The following ATP1B3 variants were observed in gnomAD, a reference collection of about 807,000 sequenced individuals.
ATP1B3 encodes ATPase Na+/K+ transporting subunit beta 3.
Under a neutral mutation model 30.2 loss-of-function variants are expected in ATP1B3, and 10 were observed. The observed-to-expected ratio is 0.33, with a 90% CI of 0.20 to 0.56. The LOEUF (loss-of-function observed/expected upper bound fraction) is 0.56, where lower values mean the gene tolerates loss of function less well. ATP1B3 is among the 20% of genes least tolerant of loss of function. The pLI, the probability that ATP1B3 is intolerant of heterozygous loss-of-function variation, is 0.90. For synonymous variants in ATP1B3, 113 were observed against 117.0 expected, an observed-to-expected ratio of 0.97 and a Z score of 0.22; for missense variants, 238 against 336.7, an observed-to-expected ratio of 0.71 and a Z score of 2.29.
Position 141,876,765 on chromosome 3 carries a change from C to G in ATP1B3, c.-37C>G, listed in dbSNP as rs767695591. On this transcript the variant is annotated 5_prime_UTR_variant, in exon 1 of 7. Coordinates refer to ENST00000286371, the MANE Select transcript of ATP1B3 (RefSeq NM_001679.4). ...CCGCAGCCCTCGCCGCCTCCATCCCCGCGGCCGCAGCTCCTCTCGCCGTCC... is the reference window on the plus strand; with the variant it reads ...CCGCAGCCCTCGCCGCCTCCATCCCGGCGGCCGCAGCTCCTCTCGCCGTCC... 1.7e-4 allele frequency: 267 copies of G among 1,548,264 alleles called. 1 individual carries two copies. Among genetic ancestry groups the G allele is most frequent in the Non-Finnish European group, 2.2e-4 (254 of 1,133,850 alleles).
intron 1 of ATP1B3, chr3:141,902,008 A>C: frequency 3.3e-6 from 2 of 612,154 alleles, no homozygotes; most frequent in Non-Finnish European, 5.2e-6. Context: ...TCCTGCAGAC[A>C]CCTAGATCTC....
At chr3:141,913,931 T>G in intron 4 of ATP1B3, 95 bp downstream of exon 4, 1 of 1,216,390 alleles carries the variant, frequency 8.2e-7, no homozygotes, top group Non-Finnish European at 1.1e-6. Flanking sequence ...GTTAATGCCT[T>G]CCTTATTAAA....
intron 1 of ATP1B3, among the ~76,000 whole-genome samples, chr3:141,885,612 C>A (rs1221932098): frequency 1.3e-5 from 2 of 151,920 alleles, no homozygotes; most frequent in Non-Finnish European, 2.9e-5. Flanking sequence ...CCATGCCTGG[C>A]AATTTTTGTA....
chr3:141,902,991 A>G (rs1293730689), intron 1 of ATP1B3: 2 of 152,454 alleles, frequency 1.3e-5, no homozygotes, highest in East Asian at 3.8e-4. Flanking sequence ...TCTTCTCTGT[A>G]TCGTTCCACT....
chr3:141,917,928 C>T (rs559767048), intron 5 of ATP1B3, among the ~76,000 whole-genome samples: 258 of 151,870 alleles, frequency 1.7e-3, no homozygotes, highest in African/African-American at 6.0e-3. Flanking sequence ...CCACCACGCC[C>T]GGCTAATTTT....
At chr3:141,879,808 C>A (rs1246128122) in intron 1 of ATP1B3, among the ~76,000 whole-genome samples, 41 of 58,298 alleles carry the variant, frequency 7.0e-4, no homozygotes, top group African/African-American at 1.0e-3. Context: ...TTTTTGGTAA[C>A]AGCTTTTTTT....
intron 1 of ATP1B3, among the ~76,000 whole-genome samples, chr3:141,893,809 C>G (rs1014985231): frequency 2.0e-5 from 3 of 152,128 alleles, no homozygotes; most frequent in African/African-American, 7.2e-5. Context: ...CTTACCTTCC[C>G]AGGCTCCAAG....
At chr3:141,877,135 C>G (rs1401972172) in intron 1 of ATP1B3, among the ~76,000 whole-genome samples, 1 of 150,778 alleles carries the variant, frequency 6.6e-6, no homozygotes, top group Non-Finnish European at 1.5e-5. Context: ...GCGGGCAGCC[C>G]GGCCGGGCCG....
At position 141,920,459 on chromosome 3, in the gene ATP1B3, G is replaced by A. The variant is rs139560318; in HGVS notation, c.583-1518G>A. 3.0e-3 allele frequency among the ~76,000 whole-genome samples: 450 copies of A among 152,120 alleles called. 2 individuals carry two copies. The highest frequency in any genetic ancestry group is 5.2e-3 in the Non-Finnish European group (356 of 67,992). On this transcript the variant is annotated intron_variant, in intron 5 of 6. Coordinates refer to ENST00000286371, the MANE Select transcript of ATP1B3 (RefSeq NM_001679.4). ...GGAGAATCGCTTGAACCCGGGAGGAGGAGGCTGCAGTGAGCCAAGATCAGG... is the reference window on the plus strand; with the variant it reads ...GGAGAATCGCTTGAACCCGGGAGGAAGAGGCTGCAGTGAGCCAAGATCAGG...
At chr3:141,920,994 C>G (rs1934554599) in intron 5 of ATP1B3, among the ~76,000 whole-genome samples, 1 of 152,178 alleles carries the variant, frequency 6.6e-6, no homozygotes, top group Admixed American at 6.5e-5. Flanking sequence ...TGAGCAGAAT[C>G]TAGAACTCCT....
intron 5 of ATP1B3, among the ~76,000 whole-genome samples, chr3:141,919,797 G>C (rs1934534786): frequency 6.6e-6 from 1 of 152,008 alleles, no homozygotes; most frequent in Non-Finnish European, 1.5e-5. Flanking sequence ...AAATGAGCCT[G>C]ACGTGGTGGC....
At chr3:141,898,833 A>G (rs1934114133) in intron 1 of ATP1B3, among the ~76,000 whole-genome samples, 1 of 152,260 alleles carries the variant, frequency 6.6e-6, no homozygotes, top group African/African-American at 2.4e-5. Context: ...AACAACTCAC[A>G]TGCACATCAT....
At chr3:141,904,305 CTT>C (rs202114170) in intron 2 of ATP1B3, among the ~76,000 whole-genome samples, 3 of 143,632 alleles carry the variant, frequency 2.1e-5, no homozygotes, top group Admixed American at 7.0e-5. Flanking sequence ...GTTTCGGTTT[CTT>C]TTTTTTTTTG....
At chr3:141,923,135 G>A (rs1052450335) in intron 6 of ATP1B3, among the ~76,000 whole-genome samples, 2 of 151,944 alleles carry the variant, frequency 1.3e-5, no homozygotes, top group African/African-American at 2.4e-5. Context: ...AAAATTAGCC[G>A]GGCATAGTGG....
intron 2 of ATP1B3, among the ~76,000 whole-genome samples, chr3:141,905,992 C>G (rs146243091): frequency 1.3e-4 from 19 of 151,300 alleles, no homozygotes; most frequent in Non-Finnish European, 1.8e-4. Flanking sequence ...TTAAACATTT[C>G]CTTATTTAAT....
At chr3:141,894,650 C>A (rs1370840204) in intron 1 of ATP1B3, among the ~76,000 whole-genome samples, 1 of 152,184 alleles carries the variant, frequency 6.6e-6, no homozygotes, top group African/African-American at 2.4e-5. Flanking sequence ...TCAGAATCAT[C>A]AGTATCACCG....
intron 1 of ATP1B3, among the ~76,000 whole-genome samples, chr3:141,896,381 C>G (rs1271807562): frequency 6.6e-6 from 1 of 151,810 alleles, no homozygotes; most frequent in South Asian, 2.1e-4. Context: ...ATTAGCTGGG[C>G]ACGGTGGTAT....
chr3:141,897,008 G>C (rs1300009555), intron 1 of ATP1B3, among the ~76,000 whole-genome samples: 3 of 152,140 alleles, frequency 2.0e-5, no homozygotes. Flanking sequence ...GTCTGCTCCT[G>C]TAACCTTTCA....
At chr3:141,901,395 G>T (rs1026705387) in intron 1 of ATP1B3, among the ~76,000 whole-genome samples, 5 of 152,112 alleles carry the variant, frequency 3.3e-5, no homozygotes, top group Non-Finnish European at 5.9e-5. Context: ...TTTCTTTTAG[G>T]GGGAAGAGGT....
Sources: allele counts gnomAD v4.1 joint callset (sites outside exome capture counted in the v4.1 genomes callset), GRCh38; gene constraint gnomAD v4.1.1; transcripts MANE v1.5; gene names NCBI Gene and HGNC (gene_info 2026-07-23, HGNC 2026-07-21).